The following CHCHD3 variants were observed in gnomAD, a reference collection of about 807,000 sequenced individuals.
The protein encoded by CHCHD3 is coiled-coil-helix-coiled-coil-helix domain containing 3.
Under a neutral mutation model 38.2 loss-of-function variants are expected in CHCHD3, and 20 were observed. That is an observed-to-expected ratio of 0.52 (90% CI 0.37 to 0.76). CHCHD3 has a LOEUF of 0.76. Among genes scored for constraint, CHCHD3 ranks in the 30% least tolerant of loss-of-function variants. The probability of loss-of-function intolerance (pLI) is 0.00; values close to 1 mark genes in which losing one functional copy is unlikely to be tolerated. For synonymous variants in CHCHD3, 82 were observed against 100.0 expected, an observed-to-expected ratio of 0.82 and a Z score of 1.07; for missense variants, 245 against 279.2, an observed-to-expected ratio of 0.88 and a Z score of 0.87.
chr7:132,876,333 G>T lies in CHCHD3; in HGVS notation c.453+9329C>A, dbSNP rs531824292. ...ATCAATAGCAAGAAAGGAGCTCAAA[G>T]AAAGTAAAGTGAGTAAATAATTGTT... On this transcript the variant is annotated intron_variant, in intron 5 of 7. Transcript: ENST00000262570. Among the ~76,000 whole-genome samples, 27 of 152,260 alleles carry T rather than the reference G, an allele frequency of 1.8e-4. No individual in the cohort carries two copies. The East Asian group carries it at 5.0e-3, about 28-fold the overall frequency.
chr7:132,818,108 T>C (rs1807251526), intron 6 of CHCHD3, among the ~76,000 whole-genome samples: 1 of 152,184 alleles, frequency 6.6e-6, no homozygotes, highest in Non-Finnish European at 1.5e-5. Flanking sequence ...TGGTTACAAT[T>C]GCACCGAATA....
chr7:132,815,473 AC>A lies in CHCHD3; in HGVS notation c.525-18897del, dbSNP rs1337704491. ...TTTACCAGTTGTTCTTACTCTGATTACCTTTTAGGTCCCTGCAAATGCCAGT... is the reference window on the plus strand; with the variant it reads ...TTTACCAGTTGTTCTTACTCTGATTACTTTTAGGTCCCTGCAAATGCCAGT... On this transcript the variant is annotated intron_variant, in intron 6 of 7. Coordinates refer to ENST00000262570, the MANE Select transcript of CHCHD3 (RefSeq NM_017812.4). 20 of 434,926 alleles carry A rather than the reference AC, an allele frequency of 4.6e-5. No individual in the cohort carries two copies. The Admixed American group carries it at 5.3e-4, about 12-fold the overall frequency. 26.9% of individuals were successfully genotyped at this position (434,926 alleles called of 1,614,324 possible). A position where few individuals can be genotyped will look rare whatever the true frequency, so the allele number is the denominator to read the frequency against.
intron 3 of CHCHD3, among the ~76,000 whole-genome samples, chr7:132,996,489 T>C (rs556976253): frequency 7.9e-5 from 12 of 152,324 alleles, no homozygotes; most frequent in South Asian, 2.1e-4. Context: ...AATAGTCCAA[T>C]TGACTGACTA....
chr7:132,786,728 G>A lies in CHCHD3; in HGVS notation c.661-1068C>T, dbSNP rs998300621. ...ACCAGGTACCACTGCACTCAGTTTA[G>A]TGCATTGGGGAAACTAATACATACA... On this transcript the variant is annotated intron_variant, in intron 7 of 7. Coordinates refer to ENST00000262570, the MANE Select transcript of CHCHD3 (RefSeq NM_017812.4). Among the ~76,000 whole-genome samples, 3 of 152,112 alleles carry A rather than the reference G, an allele frequency of 2.0e-5. No homozygotes were observed. The East Asian group carries it at 5.8e-4, about 29-fold the overall frequency.
At chr7:132,995,046 AC>A (rs2117378768) in intron 3 of CHCHD3, among the ~76,000 whole-genome samples, 1 of 152,316 alleles carries the variant, frequency 6.6e-6, no homozygotes, top group African/African-American at 2.4e-5. Context: ...AAGTTCAAAA[AC>A]AAATACATTG....
intron 4 of CHCHD3, among the ~76,000 whole-genome samples, chr7:132,964,130 T>C (rs970004418): frequency 1.3e-5 from 2 of 152,234 alleles, no homozygotes; most frequent in Non-Finnish European, 2.9e-5. Context: ...ACACTGCTAA[T>C]GTATATCACG....
chr7:132,982,651 C>G (rs1811948316), intron 3 of CHCHD3, among the ~76,000 whole-genome samples: 1 of 152,184 alleles, frequency 6.6e-6, no homozygotes, highest in Non-Finnish European at 1.5e-5. Context: ...CTTACTCGTA[C>G]CAGGTACAAC....
chr7:132,895,570 G>A (rs565121454), intron 4 of CHCHD3, among the ~76,000 whole-genome samples: 10 of 152,338 alleles, frequency 6.6e-5, no homozygotes, highest in South Asian at 4.1e-4. Flanking sequence ...TGTCATGCAC[G>A]GGACCCACTG....
intron 6 of CHCHD3, among the ~76,000 whole-genome samples, chr7:132,810,976 A>G (rs1423194271): frequency 6.6e-6 from 1 of 152,134 alleles, no homozygotes; most frequent in African/African-American, 2.4e-5. Flanking sequence ...CCCTATTACT[A>G]GGATTATTCA....
chr7:132,835,580 A>G (rs2117091140), intron 6 of CHCHD3, among the ~76,000 whole-genome samples: 1 of 152,242 alleles, frequency 6.6e-6, no homozygotes, highest in Non-Finnish European at 1.5e-5. Context: ...GCTGAATGAC[A>G]TGGCAGCTGG....
chr7:132,836,119 A>ATTTT (rs148748759), intron 6 of CHCHD3, among the ~76,000 whole-genome samples: 1 of 147,070 alleles, frequency 6.8e-6, no homozygotes, highest in African/African-American at 2.5e-5. Flanking sequence ...CATGTGTCTG[A>ATTTT]TTTTTTTTTT....
At chr7:132,873,369 T>C (rs1026708166) in intron 5 of CHCHD3, among the ~76,000 whole-genome samples, 8 of 152,034 alleles carry the variant, frequency 5.3e-5, no homozygotes, top group Non-Finnish European at 1.0e-4. Context: ...TGTTAACTAA[T>C]TTCAAGCACT....
chr7:132,957,194 G>A (rs1180773555), intron 4 of CHCHD3, among the ~76,000 whole-genome samples: 1 of 152,170 alleles, frequency 6.6e-6, no homozygotes, highest in African/African-American at 2.4e-5. Flanking sequence ...AAACCCCTGG[G>A]CCTCTTTCTT....
intron 3 of CHCHD3, among the ~76,000 whole-genome samples, chr7:133,013,101 G>C (rs941325638): frequency 6.8e-6 from 1 of 146,150 alleles, no homozygotes; most frequent in Non-Finnish European, 1.5e-5. Flanking sequence ...CAGGAGAATC[G>C]CTTGAACCCA....
chr7:132,914,645 C>G (rs1009682394), intron 4 of CHCHD3, among the ~76,000 whole-genome samples: 1 of 152,136 alleles, frequency 6.6e-6, no homozygotes, highest in Admixed American at 6.5e-5. Flanking sequence ...CAAATGTTCT[C>G]AAGCATTAAA....
At chr7:133,031,493 T>C (rs1562943079) in intron 2 of CHCHD3, among the ~76,000 whole-genome samples, 1 of 151,288 alleles carries the variant, frequency 6.6e-6, no homozygotes, top group Non-Finnish European at 1.5e-5. Flanking sequence ...AATTCCCTTT[T>C]ACTTCATTTT....
At chr7:132,805,918 C>G (rs1463042622) in intron 6 of CHCHD3, among the ~76,000 whole-genome samples, 1 of 152,134 alleles carries the variant, frequency 6.6e-6, no homozygotes, top group Non-Finnish European at 1.5e-5. Flanking sequence ...ACAGGAAGCT[C>G]AAGTGGAAAT....
At chr7:132,884,591 T>C (rs561846344) in intron 5 of CHCHD3, among the ~76,000 whole-genome samples, 4 of 152,310 alleles carry the variant, frequency 2.6e-5, no homozygotes, top group African/African-American at 7.2e-5. Context: ...TGAGGGTTAA[T>C]AGTGTATTTC....
chr7:132,911,809 T>C (rs1478666975), intron 4 of CHCHD3, among the ~76,000 whole-genome samples: 1 of 152,258 alleles, frequency 6.6e-6, no homozygotes, highest in Non-Finnish European at 1.5e-5. Context: ...AAAACTTTGC[T>C]ATCCAGTAGA....
Sources: gnomAD v4.1 joint callset for allele counts (sites outside exome capture counted in the v4.1 genomes callset) on GRCh38, gnomAD v4.1.1 for gene constraint, MANE v1.5 for transcripts, NCBI Gene and HGNC (gene_info 2026-07-23, HGNC 2026-07-21) for gene names.